The following ASH1L variants were observed in gnomAD, a reference collection of about 807,000 sequenced individuals.
The protein encoded by ASH1L is histone-lysine N-methyltransferase ASH1L.
In ASH1L, 23 loss-of-function variants were observed where a neutral mutation model predicts 269.0. The observed-to-expected ratio is 0.09, with a 90% CI of 0.06 to 0.12. The LOEUF is 0.12. ASH1L is among the 10% of genes least tolerant of loss of function. The pLI is 1.00. For missense variants in ASH1L, 2,912 were observed against 3,567.8 expected, an observed-to-expected ratio of 0.82 and a Z score of 4.68; for synonymous variants, 1,187 against 1,253.5, an observed-to-expected ratio of 0.95 and a Z score of 1.12.
rs1198758890 is a variant in ASH1L, at chr1:155,412,926, G to GT, written c.6008+2817dup. ...TTTTTTAATTTTATTGAAAAAAATG[G>GT]TTTTTTTTAAACCAGCAGTTTGCTC... On this transcript the variant is annotated intron_variant, in intron 6 of 27. Transcript: ENST00000392403. Among the ~76,000 whole-genome samples the GT allele has an allele frequency of 4.6e-5, 7 of 151,010 alleles. No individual in the cohort carries two copies. The South Asian group carries it at 1.0e-3, about 23-fold the overall frequency.
chr1:155,437,716 C>T (rs1318595590), intron 5 of ASH1L, among the ~76,000 whole-genome samples: 1 of 152,114 alleles, frequency 6.6e-6, no homozygotes, highest in African/African-American at 2.4e-5. Flanking sequence ...AATGGATAAG[C>T]AAAATGTGGT....
intron 4 of ASH1L, among the ~76,000 whole-genome samples, chr1:155,450,214 G>A (rs1338722342): frequency 2.0e-5 from 3 of 152,122 alleles, no homozygotes; most frequent in Non-Finnish European, 4.4e-5. Flanking sequence ...TTAATTTTAA[G>A]ATTTTCTCTT....
intron 6 of ASH1L, among the ~76,000 whole-genome samples, chr1:155,409,641 A>G (rs1188499977): frequency 6.6e-6 from 1 of 152,020 alleles, no homozygotes; most frequent in Non-Finnish European, 1.5e-5. Flanking sequence ...ATTTATTTTT[A>G]TTTTTGTAGA....
chr1:155,518,319 C>T (rs1282050550), intron 2 of ASH1L, among the ~76,000 whole-genome samples: 1 of 152,074 alleles, frequency 6.6e-6, no homozygotes, highest in African/African-American at 2.4e-5. Flanking sequence ...ACTTTCACAA[C>T]ATTGGATTTG....
At chr1:155,369,378 C>T (rs2148411387) in intron 12 of ASH1L, among the ~76,000 whole-genome samples, 1 of 151,424 alleles carries the variant, frequency 6.6e-6, no homozygotes, top group East Asian at 1.9e-4. Flanking sequence ...ACCCAGGAGG[C>T]AGAGCTTGCA....
chr1:155,428,442 C>A (rs1452874288), intron 5 of ASH1L, among the ~76,000 whole-genome samples: 5 of 145,742 alleles, frequency 3.4e-5, no homozygotes, highest in African/African-American at 5.2e-5. Flanking sequence ...AATTCCGTCT[C>A]AAAAAAAAAA....
intron 2 of ASH1L, among the ~76,000 whole-genome samples, chr1:155,504,138 T>C (rs957764466): frequency 6.6e-6 from 1 of 152,208 alleles, no homozygotes; most frequent in Non-Finnish European, 1.5e-5. Context: ...ACTGTTTAGT[T>C]TGGGATATGG....
At chr1:155,524,277 C>T (rs1313053568) in intron 1 of ASH1L, among the ~76,000 whole-genome samples, 2 of 152,066 alleles carry the variant, frequency 1.3e-5, no homozygotes, top group Non-Finnish European at 2.9e-5. Context: ...AATCCCAGCA[C>T]TTTGGGAGGC....
chr1:155,533,440 G>A (rs182449475), intron 1 of ASH1L, among the ~76,000 whole-genome samples: 4 of 151,978 alleles, frequency 2.6e-5, no homozygotes, highest in Admixed American at 1.3e-4. Flanking sequence ...TAGGCTGGGC[G>A]TGGTGGCTCA....
chr1:155,555,496 C>CAAAAAAAA (rs57151613), intron 1 of ASH1L, among the ~76,000 whole-genome samples: 1 of 55,096 alleles, frequency 1.8e-5, no homozygotes, highest in African/African-American at 6.5e-5. Context: ...GACTCTGTCT[C>CAAAAAAAA]AAAAAAAAAA....
chr1:155,433,548 A>G (rs1661791588), intron 5 of ASH1L: 1 of 1,610,864 alleles, frequency 6.2e-7, no homozygotes, highest in Non-Finnish European at 8.5e-7. Flanking sequence ...GGTGCCGTGA[A>G]ACTGGAGAAG....
chr1:155,552,225 G>C (rs187296245), intron 1 of ASH1L, among the ~76,000 whole-genome samples: 3 of 152,106 alleles, frequency 2.0e-5, no homozygotes, highest in Non-Finnish European at 4.4e-5. Context: ...CCAGCACTTT[G>C]GGAGGCCAAA....
chr1:155,392,626 C>T (rs1488931797), intron 7 of ASH1L, among the ~76,000 whole-genome samples: 1 of 152,024 alleles, frequency 6.6e-6, no homozygotes, highest in Non-Finnish European at 1.5e-5. Flanking sequence ...GGAGCTGGGA[C>T]TACAGGCACA....
In ASH1L at chr1:155,478,868, G is replaced by C. The variant is rs776423263; in HGVS notation, c.4002C>G (p.Pro1334=). ...TTCGAATGTAGTGCAAAGGGTCTAA[G>C]GGGAAAGAAGGATGTGTATAGAAAC... ...FNSFYTHPSF[P]LDPLHYIRKP... is the part of the protein sequence containing the mutation. The change falls in exon 3 of 28, where the codon CCC becomes CCG. Residue 1334 remains proline, a synonymous_variant. Transcript: ENST00000392403. This position sits in a 1 kb window ranked among gnomAD's most constrained non-coding sequence, Gnocchi z 4.6. 1 of 1,614,028 alleles carries C rather than the reference G, an allele frequency of 6.2e-7. No individual in the cohort carries two copies. The highest frequency in any genetic ancestry group is 1.1e-5 in the South Asian group (1 of 91,060).
At chr1:155,515,832 TAAAAAAAAAA>T (rs755945664) in intron 2 of ASH1L, among the ~76,000 whole-genome samples, 1 of 106,776 alleles carries the variant, frequency 9.4e-6, no homozygotes, top group East Asian at 2.6e-4. Flanking sequence ...GACTCTGCCT[TAAAAAAAAAA>T]AAAAAAAAAA....
intron 7 of ASH1L, 25 bp from the exon 8 acceptor site, chr1:155,380,141 T>C (rs1256685008): frequency 1.3e-6 from 2 of 1,556,740 alleles, no homozygotes; most frequent in Admixed American, 3.3e-5. Flanking sequence ...ACTATTAATT[T>C]CAATACCTTT....
At chr1:155,411,852 G>C (rs1435122492) in intron 6 of ASH1L, among the ~76,000 whole-genome samples, 2 of 151,424 alleles carry the variant, frequency 1.3e-5, no homozygotes, top group African/African-American at 4.8e-5. Flanking sequence ...GAGAGGCCAA[G>C]AAGTCTAGAC....
chr1:155,354,684 T>C (rs1412733335), intron 15 of ASH1L, 54 bp from the exon 16 acceptor site: 3 of 1,547,838 alleles, frequency 1.9e-6, no homozygotes, highest in Non-Finnish European at 2.6e-6. Flanking sequence ...TAAGCATGTA[T>C]TACATGTCTA....
intron 12 of ASH1L, among the ~76,000 whole-genome samples, chr1:155,362,082 C>T (rs1655008247): frequency 6.6e-6 from 1 of 151,988 alleles, no homozygotes; most frequent in Admixed American, 6.6e-5. Context: ...TGTCCCCAGG[C>T]TGGAGTGCAG....
Sources: gnomAD v4.1 joint callset for allele counts (sites outside exome capture counted in the v4.1 genomes callset) on GRCh38, gnomAD v4.1.1 for gene constraint, Gnocchi (gnomAD v3.1) non-coding constraint, MANE v1.5 for transcripts, NCBI Gene and HGNC (gene_info 2026-07-23, HGNC 2026-07-21) for gene names.